Variants in MYO1D observed in about 807,000 individuals in gnomAD.
MYO1D encodes the protein unconventional myosin-Id.
MYO1D carries 83 observed loss-of-function variants against 122.0 expected under a neutral mutation model. The ratio of observed to expected loss-of-function variants is 0.68; its 90% CI spans 0.57 to 0.82. The LOEUF is 0.82. MYO1D is among the 40% of genes least tolerant of loss of function. MYO1D has a pLI of 0.00. For synonymous variants in MYO1D, 464 were observed against 446.9 expected (o/e 1.04, Z -0.48); for missense variants, 1,157 against 1,269.5 (o/e 0.91, Z 1.35).
chr17:32,757,393 G>C lies in MYO1D; in HGVS notation c.1297-1731C>G, dbSNP rs1044444820. Reference sequence around the variant, plus strand: ...GGGTGCTACTGTCATTTGGTGGGTAGAGGCCAGGGGTGCTGCTAAACATCC... The same window carrying C: ...GGGTGCTACTGTCATTTGGTGGGTACAGGCCAGGGGTGCTGCTAAACATCC... On this transcript the variant is annotated intron_variant, in intron 10 of 21. Transcript: ENST00000318217. Among the ~76,000 whole-genome samples, 8 of 152,152 alleles carry C rather than the reference G, an allele frequency of 5.3e-5. 1 individual carries two copies. The highest frequency in any genetic ancestry group is 8.8e-5 in the Non-Finnish European group (6 of 68,014).
intron 21 of MYO1D, among the ~76,000 whole-genome samples, chr17:32,542,321 G>A (rs766294659): frequency 3.3e-5 from 5 of 152,170 alleles, no homozygotes; most frequent in African/African-American, 4.8e-5. Context: ...GTTTTCTGGG[G>A]CTGAGGAGCC....
chr17:32,602,565 A>C (rs577198158), intron 21 of MYO1D: 2 of 152,254 alleles, frequency 1.3e-5, no homozygotes, highest in South Asian at 4.1e-4. Flanking sequence ...GTGAATGACG[A>C]AGTTCTTTAG....
intron 14 of MYO1D, among the ~76,000 whole-genome samples, chr17:32,729,177 GA>G (rs146197623): frequency 0.036 from 5,471 of 151,432 alleles, 329 homozygotes; most frequent in African/African-American, 0.12. Context: ...TATTTTACGG[GA>G]AAAAAAACAC....
intron 15 of MYO1D, among the ~76,000 whole-genome samples, chr17:32,715,291 AC>A (rs1231486314): frequency 6.6e-6 from 1 of 152,130 alleles, no homozygotes; most frequent in African/African-American, 2.4e-5. Flanking sequence ...ATGCCATTTG[AC>A]CCAGCAATCC....
intron 1 of MYO1D, among the ~76,000 whole-genome samples, chr17:32,875,959 T>C (rs879058490): frequency 1.3e-5 from 2 of 152,228 alleles, no homozygotes; most frequent in African/African-American, 2.4e-5. Flanking sequence ...AATAATCGCA[T>C]GTAAAGGGCT....
At chr17:32,741,652 C>T (rs2089773431) in intron 13 of MYO1D, among the ~76,000 whole-genome samples, 1 of 152,096 alleles carries the variant, frequency 6.6e-6, no homozygotes, top group South Asian at 2.1e-4. Flanking sequence ...ATTTGACTTC[C>T]CAAGCACGTT....
intron 1 of MYO1D, among the ~76,000 whole-genome samples, chr17:32,844,280 T>C (rs1307549917): frequency 1.4e-5 from 2 of 147,024 alleles, no homozygotes; most frequent in African/African-American, 5.0e-5. Flanking sequence ...ATATATGATA[T>C]ATATATCATA....
intron 17 of MYO1D, 22 bp from the exon 18 acceptor site, chr17:32,654,643 G>A (rs750537949): frequency 1.5e-5 from 23 of 1,552,512 alleles, no homozygotes; most frequent in Non-Finnish European, 1.8e-5. Flanking sequence ...TAGACAACAT[G>A]TATTAGACTT....
intron 14 of MYO1D, among the ~76,000 whole-genome samples, chr17:32,735,248 G>C (rs1360543073): frequency 6.6e-6 from 1 of 152,058 alleles, no homozygotes; most frequent in African/African-American, 2.4e-5. Flanking sequence ...GGAATGCATT[G>C]GCACCATCTT....
chr17:32,551,687 C>T (rs923832717), intron 21 of MYO1D, among the ~76,000 whole-genome samples: 1 of 152,016 alleles, frequency 6.6e-6, no homozygotes, highest in South Asian at 2.1e-4. Flanking sequence ...TTGCTCTTCC[C>T]GAGAACACAC....
intron 21 of MYO1D, among the ~76,000 whole-genome samples, chr17:32,553,634 C>T (rs1272568714): frequency 6.6e-6 from 1 of 152,184 alleles, no homozygotes; most frequent in Non-Finnish European, 1.5e-5. Context: ...TTTCTCTCGG[C>T]ACTGCTGTCA....
At chr17:32,711,424 G>A (rs1390664513) in intron 16 of MYO1D, among the ~76,000 whole-genome samples, 1 of 152,202 alleles carries the variant, frequency 6.6e-6, no homozygotes, top group Non-Finnish European at 1.5e-5. Flanking sequence ...GAGGTGGGCA[G>A]ATCACGAGGT....
chr17:32,547,935 G>A (rs1272134044), intron 21 of MYO1D, among the ~76,000 whole-genome samples: 1 of 142,292 alleles, frequency 7.0e-6, no homozygotes, highest in Non-Finnish European at 1.5e-5. Flanking sequence ...GGGTGAAGGA[G>A]CAAGACCGTG....
At chr17:32,834,782 G>C (rs1007358250) in intron 1 of MYO1D, among the ~76,000 whole-genome samples, 1 of 152,226 alleles carries the variant, frequency 6.6e-6, no homozygotes, top group African/African-American at 2.4e-5. Context: ...GGAAGGCCGA[G>C]GCGGGCAGAT....
Position 32,745,291 on chromosome 17 carries a change from A to G in MYO1D, c.1539-6T>C. Reference sequence around the variant, plus strand: ...TAAAACCAATGACAGAATAGCTAACAGGGAAAAATCACAGAAAACATGTAT... The same window carrying G: ...TAAAACCAATGACAGAATAGCTAACGGGGAAAAATCACAGAAAACATGTAT... On this transcript the variant is annotated splice_region_variant and splice_polypyrimidine_tract_variant and intron_variant, in intron 12 of 21. Transcript: ENST00000318217. The G allele has an allele frequency of 6.6e-7, 1 of 1,525,018 alleles. No individual in the cohort carries two copies. The highest frequency in any genetic ancestry group is 1.4e-5 in the African/African-American group (1 of 72,110). The allele number at this position is 1,525,018 out of a possible 1,614,324, so 94.5% of individuals were successfully genotyped here.
At chr17:32,792,009 G>A (rs1488884930) in intron 1 of MYO1D, among the ~76,000 whole-genome samples, 5 of 152,278 alleles carry the variant, frequency 3.3e-5, no homozygotes, top group African/African-American at 1.2e-4. Context: ...AAAGTCTCAT[G>A]TAAGTAGATA....
chr17:32,653,646 G>A (rs532109865), intron 19 of MYO1D, among the ~76,000 whole-genome samples, 197 bp downstream of exon 19: 1 of 150,294 alleles, frequency 6.7e-6, no homozygotes, highest in South Asian at 2.1e-4. Flanking sequence ...ACTTCCCTTA[G>A]GAAGGCTTTA....
intron 21 of MYO1D, among the ~76,000 whole-genome samples, chr17:32,582,316 T>C (rs1421281705): frequency 6.6e-6 from 1 of 152,240 alleles, no homozygotes; most frequent in Non-Finnish European, 1.5e-5. Context: ...TATATTTCCA[T>C]GTAAGTATTG....
At chr17:32,556,736 A>G (rs115834640) in intron 21 of MYO1D, among the ~76,000 whole-genome samples, 1,981 of 152,252 alleles carry the variant, frequency 0.013, 56 homozygotes, top group African/African-American at 0.045. Flanking sequence ...TTAGTTAGCA[A>G]CTTATTCTTG....
Sources: allele counts gnomAD v4.1 joint callset (sites outside exome capture counted in the v4.1 genomes callset), GRCh38; gene constraint gnomAD v4.1.1; transcripts MANE v1.5; gene names NCBI Gene and HGNC (gene_info 2026-07-23, HGNC 2026-07-21).